The following GCFC2 variants were observed in gnomAD, a reference collection of about 807,000 sequenced individuals.
GCFC2 encodes GC-rich sequence DNA-binding factor 2.
GCFC2 carries 102 observed loss-of-function variants against 99.4 expected under a neutral mutation model. That is an observed-to-expected ratio of 1.03 (90% CI 0.87 to 1.21). GCFC2 has a LOEUF of 1.21. GCFC2 is among the 50% of genes most tolerant of loss of function. The pLI is 0.00. For synonymous variants in GCFC2, 338 were observed against 316.8 expected (o/e 1.07, Z -0.71); for missense variants, 973 against 920.9 (o/e 1.06, Z -0.73).
In GCFC2 at chr2:75,696,254, G is replaced by T; in HGVS notation, c.779C>A (p.Ser260Tyr). The T allele has an allele frequency of 1.3e-6, 2 of 1,511,276 alleles. No homozygotes were observed. Among genetic ancestry groups the T allele is most frequent in the Non-Finnish European group, 1.8e-6 (2 of 1,087,728 alleles). 93.6% of individuals were successfully genotyped at this position (1,511,276 alleles called of 1,614,324 possible). A position where few individuals can be genotyped will look rare whatever the true frequency, so the allele number is the denominator to read the frequency against. Residue 260 changes from serine to tyrosine, a missense_variant, in exon 5 of 17, where the codon TCC (serine) becomes TAC (tyrosine). Coordinates refer to ENST00000321027, the MANE Select transcript of GCFC2 (RefSeq NM_003203.5). ...GSSKVKKFDT[S>Y]ISFPPVNLEI... is the part of the protein sequence containing the mutation. The stretch of plus-strand genomic sequence containing the variant: ...TAAATTTACTGGCGGAAATGAAATG[G>T]AAGTATCAAATTTCTTCACTTTTGA...
intron 11 of GCFC2, among the ~76,000 whole-genome samples, chr2:75,682,698 A>G (rs1454930263): frequency 6.6e-6 from 1 of 151,878 alleles, no homozygotes; most frequent in Non-Finnish European, 1.5e-5. Flanking sequence ...AGAACCTTGA[A>G]AAAAGGTTAG....
rs147433043 is a variant in GCFC2, at chr2:75,688,605, C to T, written c.1539+421G>A. ...ATGAAACACCTTTCCCTTTCTGATT[C>T]ATCCTGTTTACCCCATAAACTCTTC... On this transcript the variant is annotated intron_variant, in intron 10 of 16. Transcript: ENST00000321027. Among the ~76,000 whole-genome samples, 1,259 of 152,150 alleles carry T rather than the reference C, an allele frequency of 8.3e-3. 7 individuals carry two copies. The highest frequency in any genetic ancestry group is 0.013 in the Admixed American group (195 of 15,274).
intron 1 of GCFC2, chr2:75,710,388 C>G (rs962838399): frequency 1.1e-5 from 14 of 1,273,296 alleles, no homozygotes; most frequent in African/African-American, 7.9e-5. Flanking sequence ...CCCAAGGAGT[C>G]CAAAAGGCAG....
At chr2:75,702,713 T>G (rs1011819278) in intron 2 of GCFC2, among the ~76,000 whole-genome samples, 1 of 152,230 alleles carries the variant, frequency 6.6e-6, no homozygotes, top group Non-Finnish European at 1.5e-5. Flanking sequence ...GCTCACTTTG[T>G]TGAGGGGTCG....
Position 75,685,683 on chromosome 2 carries a change from A to T in GCFC2, c.1690+2144T>A, listed in dbSNP as rs1013448574. ...TCGCTTGGTATTCAAAGTCAATTTT[A>T]TACATTAAATGCCATCAATAAATGT... On this transcript the variant is annotated intron_variant, in intron 11 of 16. Coordinates refer to ENST00000321027, the MANE Select transcript of GCFC2 (RefSeq NM_003203.5). Among the ~76,000 whole-genome samples, 6 of 152,126 alleles carry T rather than the reference A, an allele frequency of 3.9e-5. No homozygotes were observed. The South Asian group carries it at 1.2e-3, about 32-fold the overall frequency.
intron 10 of GCFC2, among the ~76,000 whole-genome samples, chr2:75,688,455 C>T (rs1260710688): frequency 2.0e-5 from 3 of 152,158 alleles, no homozygotes; most frequent in African/African-American, 7.2e-5. Context: ...TTGCTGAGTT[C>T]ATACTTCTTT....
In GCFC2 at chr2:75,694,317, T is replaced by C; in HGVS notation, c.944A>G (p.Asn315Ser). ...ATAGAATTTACAATTTAGAGCTTGA[T>C]TTGATGAACTCTCTAGGTTCTGGAT... is the stretch of plus-strand genomic sequence containing the variant. ...STIQNLESSSNQALNCKFYKS... is the reference protein window; with the variant it reads ...STIQNLESSSSQALNCKFYKS... Residue 315 changes from asparagine to serine, a missense_variant, in exon 6 of 17, where the codon AAT (asparagine) becomes AGT (serine). Transcript: ENST00000321027. 7.5e-7 allele frequency: 1 copy of C among 1,338,046 alleles called. No homozygotes were observed. Among genetic ancestry groups the C allele is most frequent in the Non-Finnish European group, 1.1e-6 (1 of 948,832 alleles). 82.9% of individuals were successfully genotyped at this position (1,338,046 alleles called of 1,614,324 possible).
chr2:75,666,801 C>T (rs1042214900), intron 15 of GCFC2, among the ~76,000 whole-genome samples: 5 of 151,782 alleles, frequency 3.3e-5, no homozygotes, highest in African/African-American at 7.3e-5. Context: ...ATATTGTTCC[C>T]GGAGAGAACA....
chr2:75,704,733 G>A (rs1680757832), intron 2 of GCFC2, among the ~76,000 whole-genome samples: 1 of 152,204 alleles, frequency 6.6e-6, no homozygotes, highest in African/African-American at 2.4e-5. Context: ...TGCCCAGGCT[G>A]GAGTGCACTG....
intron 3 of GCFC2, chr2:75,701,503 T>TGAAGCTG (rs1680589679): frequency 2.0e-6 from 1 of 502,782 alleles, no homozygotes; most frequent in African/African-American, 2.0e-5. Context: ...AGGACTATGT[T>TGAAGCTG]GAAGCTGGAA....
chr2:75,685,661 C>T (rs747205013), intron 11 of GCFC2, among the ~76,000 whole-genome samples: 4 of 152,120 alleles, frequency 2.6e-5, no homozygotes, highest in Non-Finnish European at 5.9e-5. Context: ...TATTCACTCG[C>T]TTGGTATTCA....
chr2:75,694,494 T>C (rs1680220504), intron 5 of GCFC2, 67 bp from the exon 6 acceptor site: 1 of 596,988 alleles, frequency 1.7e-6, no homozygotes, highest in Non-Finnish European at 2.6e-6. Flanking sequence ...CTAATGTAAA[T>C]ATTTTCAAAG....
intron 10 of GCFC2, among the ~76,000 whole-genome samples, chr2:75,688,344 T>C (rs534952261): frequency 1.3e-5 from 2 of 152,326 alleles, no homozygotes; most frequent in Non-Finnish European, 1.5e-5. Context: ...AAAAAATTCA[T>C]CCACTTCAAG....
chr2:75,689,969 C>T lies in GCFC2; in HGVS notation c.1339G>A (p.Gly447Ser), dbSNP rs1463744691. Residue 447 changes from glycine to serine, a missense_variant and splice_region_variant, in exon 9 of 17, where the codon GGT becomes AGT. Coordinates refer to ENST00000321027, the MANE Select transcript of GCFC2 (RefSeq NM_003203.5). ...ATATATTAGAAACTTGGTAACTGACCTTGGCTTTTTTGGAAGTCAATCATC... is the reference window on the plus strand; with the variant it reads ...ATATATTAGAAACTTGGTAACTGACTTTGGCTTTTTTGGAAGTCAATCATC... The part of the protein sequence containing the change: ...AEMIDFQKSQ[G>S]DILQKQKKVF... The T allele has an allele frequency of 6.5e-7, 1 of 1,540,232 alleles. No individual in the cohort carries two copies.
chr2:75,670,321 C>T (rs1265999832), intron 14 of GCFC2, 37 bp from the exon 15 acceptor site: 4 of 1,436,812 alleles, frequency 2.8e-6, no homozygotes, highest in Non-Finnish European at 3.9e-6. Context: ...TACCTTTTCT[C>T]CAAAGAGAAA....
intron 1 of GCFC2, among the ~76,000 whole-genome samples, chr2:75,710,226 T>A (rs1482291818): frequency 2.0e-5 from 3 of 152,242 alleles, no homozygotes; most frequent in Non-Finnish European, 4.4e-5. Context: ...ACATATAACT[T>A]CTGCCCACTT....
At chr2:75,673,908 C>T (rs148437540) in intron 12 of GCFC2, among the ~76,000 whole-genome samples, 7 of 152,132 alleles carry the variant, frequency 4.6e-5, no homozygotes, top group East Asian at 1.9e-4. Flanking sequence ...CGTTCAACTA[C>T]GTACAAAAAA....
chr2:75,710,063 T>C lies in GCFC2; in HGVS notation c.265+528A>G, dbSNP rs184456333. On this transcript the variant is annotated intron_variant, in intron 1 of 16. Coordinates refer to ENST00000321027, the MANE Select transcript of GCFC2 (RefSeq NM_003203.5). The stretch of plus-strand genomic sequence containing the variant: ...TCTACAGTGTCATGAATCTCTATCA[T>C]GCTTCTTTGTGTTGTATATATTACT... Among the ~76,000 whole-genome samples the C allele has an allele frequency of 8.4e-4, 128 of 152,356 alleles. 1 individual carries two copies. The highest frequency in any genetic ancestry group is 2.9e-3 in the African/African-American group (120 of 41,586).
intron 2 of GCFC2, among the ~76,000 whole-genome samples, chr2:75,704,898 A>G (rs1222562551): frequency 1.3e-5 from 2 of 151,754 alleles, no homozygotes; most frequent in African/African-American, 4.8e-5. Flanking sequence ...TTGGTCTCAA[A>G]CTCCTGACCT....
Sources: allele counts gnomAD v4.1 joint callset (sites outside exome capture counted in the v4.1 genomes callset), GRCh38; gene constraint gnomAD v4.1.1; transcripts MANE v1.5; gene names NCBI Gene and HGNC (gene_info 2026-07-23, HGNC 2026-07-21).